Variants in CPVL observed in about 807,000 individuals in gnomAD.
The protein encoded by CPVL is probable serine carboxypeptidase CPVL.
In CPVL, 51 loss-of-function variants were observed where a neutral mutation model predicts 63.7. The observed-to-expected ratio is 0.80, with a 90% CI of 0.64 to 1.01. CPVL has a LOEUF of 1.01. CPVL is among the 50% of genes least tolerant of loss of function. The probability of loss-of-function intolerance (pLI) is 0.00; values close to 1 mark genes in which losing one functional copy is unlikely to be tolerated. For synonymous variants in CPVL, 195 were observed against 206.0 expected (o/e 0.95, Z 0.46); for missense variants, 530 against 573.1 (o/e 0.92, Z 0.77).
intron 1 of CPVL, among the ~76,000 whole-genome samples, chr7:29,144,101 G>A (rs772508218): frequency 1.3e-5 from 2 of 152,182 alleles, no homozygotes; most frequent in Non-Finnish European, 2.9e-5. Flanking sequence ...CAATATAGAC[G>A]TTAATGAGTC....
At chr7:29,117,190 C>A (rs1788857163) in intron 2 of CPVL, among the ~76,000 whole-genome samples, 1 of 152,204 alleles carries the variant, frequency 6.6e-6, no homozygotes, top group African/African-American at 2.4e-5. Context: ...TGTTGTCAAT[C>A]ATCAGATGAA....
chr7:29,089,490 A>G (rs1370130266), intron 6 of CPVL, among the ~76,000 whole-genome samples: 2 of 152,152 alleles, frequency 1.3e-5, no homozygotes, highest in East Asian at 3.9e-4. Flanking sequence ...CTCAACTACA[A>G]AGGTAGGGCT....
At chr7:29,166,197 T>TTTTTG (rs1013747763) in intron 5 of CPVL, among the ~76,000 whole-genome samples, 4 of 152,052 alleles carry the variant, frequency 2.6e-5, no homozygotes, top group Admixed American at 2.6e-4. Flanking sequence ...CATCCAGTTT[T>TTTTTG]TTTTTGTTTT....
chr7:29,121,124 G>A (rs1789329438), intron 1 of CPVL, 53 bp from the exon 2 acceptor site: 17 of 1,460,346 alleles, frequency 1.2e-5, no homozygotes, highest in East Asian at 2.5e-5. Context: ...ATATTTACCT[G>A]GCCCTTTTAC....
At chr7:29,071,484 G>A (rs61494714) in intron 9 of CPVL, among the ~76,000 whole-genome samples, 1 of 152,026 alleles carries the variant, frequency 6.6e-6, no homozygotes, top group East Asian at 1.9e-4. Flanking sequence ...CTGCCTTGAG[G>A]GCCTCCACAG....
At chr7:29,103,524 A>G (rs1484092883) in intron 3 of CPVL, among the ~76,000 whole-genome samples, 1 of 151,060 alleles carries the variant, frequency 6.6e-6, no homozygotes, top group African/African-American at 2.4e-5. Flanking sequence ...AAGTGCTGGG[A>G]TTACAGGCAT....
At chr7:29,156,791 A>C (rs1794434286) in intron 5 of CPVL, among the ~76,000 whole-genome samples, 1 of 147,456 alleles carries the variant, frequency 6.8e-6, no homozygotes, top group Admixed American at 6.9e-5. Flanking sequence ...CTAAAGAAAA[A>C]GTCCAAGAAG....
chr7:29,077,411 A>C (rs923602301), intron 7 of CPVL, among the ~76,000 whole-genome samples: 2 of 152,202 alleles, frequency 1.3e-5, no homozygotes, highest in Non-Finnish European at 1.5e-5. Flanking sequence ...ATGGCTTTTG[A>C]AATGAGACAC....
chr7:29,039,991 G>GGAATCCCCAAA (rs1788914640), intron 11 of CPVL, among the ~76,000 whole-genome samples: 1 of 152,106 alleles, frequency 6.6e-6, no homozygotes, highest in Non-Finnish European at 1.5e-5. Context: ...TGATTGAACA[G>GGAATCCCCAAA]CAGCCTAAGC....
At chr7:29,060,581 C>T (rs1660455889) in intron 11 of CPVL, among the ~76,000 whole-genome samples, 1 of 152,126 alleles carries the variant, frequency 6.6e-6, no homozygotes, top group South Asian at 2.1e-4. Context: ...AGGAAAATGA[C>T]TTTTGAGTAT....
intron 1 of CPVL, among the ~76,000 whole-genome samples, chr7:29,125,663 G>A (rs1789938193): frequency 6.6e-6 from 1 of 151,996 alleles, no homozygotes; most frequent in Non-Finnish European, 1.5e-5. Flanking sequence ...AAAGTGCTGG[G>A]ATTACAGGCG....
At chr7:29,059,187 G>A (rs895403740) in intron 11 of CPVL, among the ~76,000 whole-genome samples, 5 of 152,012 alleles carry the variant, frequency 3.3e-5, no homozygotes, top group African/African-American at 1.2e-4. Flanking sequence ...CAGTCTACTA[G>A]TGAGCCCACC....
At chr7:29,037,258 A>C (rs1489087930) in intron 11 of CPVL, among the ~76,000 whole-genome samples, 4 of 152,100 alleles carry the variant, frequency 2.6e-5, no homozygotes, top group African/African-American at 9.7e-5. Flanking sequence ...GGGTATAAGA[A>C]AAGTGGCCAG....
chr7:29,102,302 T>C (rs1787222691), intron 3 of CPVL, among the ~76,000 whole-genome samples: 1 of 152,168 alleles, frequency 6.6e-6, no homozygotes, highest in African/African-American at 2.4e-5. Flanking sequence ...CTGGCACATC[T>C]ATTTAAGTGT....
At chr7:29,002,890 AGAC>A (rs1271597435) in intron 12 of CPVL, among the ~76,000 whole-genome samples, 24 of 151,252 alleles carry the variant, frequency 1.6e-4, no homozygotes, top group African/African-American at 4.4e-4. Context: ...AAGAAGAAGA[AGAC>A]GACATGAAAC....
chr7:29,139,358 A>G (rs1023746153), intron 1 of CPVL, among the ~76,000 whole-genome samples: 3 of 152,168 alleles, frequency 2.0e-5, no homozygotes, highest in African/African-American at 7.2e-5. Context: ...CTAAGATTCT[A>G]AAAATGCAGC....
rs565476994 is a variant in CPVL, at chr7:29,097,076, C to A, written c.289-859G>T. Among the ~76,000 whole-genome samples, 9 of 151,988 alleles carry A rather than the reference C, an allele frequency of 5.9e-5. No individual in the cohort carries two copies. The South Asian group carries it at 1.5e-3, about 25-fold the overall frequency. ...TGGAAAAATGAGGAGGAGCAGACAG[C>A]CCCAGGGGCCTTTAGCCAACGCAAA... On this transcript the variant is annotated intron_variant, in intron 3 of 12. Transcript: ENST00000265394.
At chr7:29,126,337 T>C (rs928953250) in intron 1 of CPVL, 2 of 152,224 alleles carry the variant, frequency 1.3e-5, no homozygotes, top group Non-Finnish European at 2.9e-5. Context: ...AGACTGCCAA[T>C]TGTTAAACAT....
intron 12 of CPVL, among the ~76,000 whole-genome samples, chr7:29,008,314 C>T (rs555246929): frequency 1.3e-5 from 2 of 152,162 alleles, no homozygotes; most frequent in Non-Finnish European, 2.9e-5. Flanking sequence ...CTTTATCCTG[C>T]AGGTATCAGA....
Sources: gnomAD v4.1 joint callset for allele counts (sites outside exome capture counted in the v4.1 genomes callset) on GRCh38, gnomAD v4.1.1 for gene constraint, MANE v1.5 for transcripts, NCBI Gene and HGNC (gene_info 2026-07-23, HGNC 2026-07-21) for gene names.